Variants in ATP11A observed in about 807,000 individuals in gnomAD.
ATP11A encodes the protein ATPase phospholipid transporting 11A, also known as phospholipid-transporting ATPase IH.
A neutral mutation model predicts 154.4 loss-of-function variants in ATP11A; 81 were observed. The observed-to-expected ratio is 0.52, with a 90% CI of 0.44 to 0.63. ATP11A has a LOEUF of 0.63. Ranked by LOEUF, ATP11A falls within the 30% of genes least tolerant of loss-of-function variation. The pLI is 0.00. For synonymous variants in ATP11A, 623 were observed against 585.9 expected, an observed-to-expected ratio of 1.06 and a Z score of -0.91; for missense variants, 1,316 against 1,474.3, an observed-to-expected ratio of 0.89 and a Z score of 1.76.
At chr13:112,844,797 T>TCCTAACCAGTCCAGTTGCCAGGC in intron 17 of ATP11A, among the ~76,000 whole-genome samples, 1 of 123,916 alleles carries the variant, frequency 8.1e-6, no homozygotes, top group South Asian at 2.5e-4. Flanking sequence ...TTGCCGGGTG[T>TCCTAACCAGTCCAGTTGCCAGGC]TAGTGGTACT....
At chr13:112,692,105 A>G (rs1256770771) in intron 1 of ATP11A, among the ~76,000 whole-genome samples, 1 of 152,218 alleles carries the variant, frequency 6.6e-6, no homozygotes, top group Non-Finnish European at 1.5e-5. Flanking sequence ...CCTGCAGTGT[A>G]AGAGAAATGC....
intron 1 of ATP11A, among the ~76,000 whole-genome samples, chr13:112,739,051 C>A (rs1891277607): frequency 6.6e-6 from 1 of 152,094 alleles, no homozygotes; most frequent in African/African-American, 2.4e-5. Flanking sequence ...TCATGGTGAC[C>A]TTGGATTAGG....
intron 1 of ATP11A, among the ~76,000 whole-genome samples, chr13:112,756,433 G>C (rs986125217): frequency 2.6e-5 from 4 of 152,216 alleles, no homozygotes; most frequent in African/African-American, 9.7e-5. Flanking sequence ...GTCCAGGAGA[G>C]GCACCTGTAT....
intron 18 of ATP11A, 22 bp downstream of exon 18, chr13:112,851,240 C>A (rs756769548): frequency 5.6e-6 from 9 of 1,598,674 alleles, no homozygotes; most frequent in Non-Finnish European, 6.8e-6. Flanking sequence ...GCATGCATCC[C>A]GTCCTGAGAG....
intron 1 of ATP11A, among the ~76,000 whole-genome samples, chr13:112,727,001 T>G (rs1323672821): frequency 1.3e-5 from 2 of 152,254 alleles, no homozygotes; most frequent in Non-Finnish European, 2.9e-5. Flanking sequence ...AATTTCTTAC[T>G]ATAACTTGGG....
At position 112,877,048 on chromosome 13, in the gene ATP11A, CAG is replaced by C. The variant is rs2140437179; in HGVS notation, c.3327+1110_3327+1111del. Among the ~76,000 whole-genome samples the C allele has an allele frequency of 2.0e-5, 3 of 152,366 alleles. No homozygotes were observed. In the East Asian group the frequency reaches 5.8e-4, roughly 29 times the overall value. On this transcript the variant is annotated intron_variant, in intron 28 of 29. Coordinates refer to ENST00000375645, the MANE Select transcript of ATP11A (RefSeq NM_015205.3). ...TGCCTCCTGCCACAGTTTGTAAAAT[CAG>C]AGCGAGCAAAACTCGTGGTGAAGAG...
In ATP11A at chr13:112,886,053, T is replaced by A. The variant is rs1054614263; in HGVS notation, c.*4187T>A. ...CCACACCCACGCCGCACCTCATCCG[T>A]GCACGCGTCGGAGCACGGCCAGCCT... On this transcript the variant is annotated 3_prime_UTR_variant, in exon 30 of 30. Coordinates refer to ENST00000375645, the MANE Select transcript of ATP11A (RefSeq NM_015205.3). The A allele has an allele frequency of 1.3e-5, 2 of 152,322 alleles. No homozygotes were observed. Among genetic ancestry groups the A allele is most frequent in the African/African-American group, 4.8e-5 (2 of 41,470 alleles). The allele number at this position is 152,322 out of a possible 1,614,324, so 9.4% of individuals were successfully genotyped here.
chr13:112,861,547 T>G (rs556268060), intron 24 of ATP11A, among the ~76,000 whole-genome samples: 38 of 152,366 alleles, frequency 2.5e-4, no homozygotes, highest in Admixed American at 2.3e-3. Context: ...TGCAGTCTTC[T>G]CACATGCGTG....
At chr13:112,692,545 TATTA>T (rs1418180240) in intron 1 of ATP11A, among the ~76,000 whole-genome samples, 3 of 152,272 alleles carry the variant, frequency 2.0e-5, no homozygotes, top group Admixed American at 2.0e-4. Flanking sequence ...TTTGCTGTAT[TATTA>T]CGCTTATGGC....
At chr13:112,801,107 C>T (rs1218330106) in intron 2 of ATP11A, among the ~76,000 whole-genome samples, 4 of 147,556 alleles carry the variant, frequency 2.7e-5, no homozygotes, top group African/African-American at 1.0e-4. Context: ...TATCACTGTT[C>T]TTATTCAGCA....
At chr13:112,760,834 G>A (rs1212134211) in intron 1 of ATP11A, among the ~76,000 whole-genome samples, 2 of 152,142 alleles carry the variant, frequency 1.3e-5, no homozygotes, top group African/African-American at 2.4e-5. Context: ...AAATTGTAAC[G>A]ACACATTCCT....
At chr13:112,704,525 G>T (rs1268711735) in intron 1 of ATP11A, among the ~76,000 whole-genome samples, 3 of 152,260 alleles carry the variant, frequency 2.0e-5, no homozygotes, top group African/African-American at 4.8e-5. Flanking sequence ...TCTGACTGCG[G>T]CGTGCGTCTC....
chr13:112,856,219 A>G (rs779476747), intron 20 of ATP11A, 134 bp downstream of exon 20: 220 of 884,820 alleles, frequency 2.5e-4, no homozygotes, highest in Non-Finnish European at 3.5e-4. Context: ...AGCAACCGTG[A>G]TAGAGATTTA....
In ATP11A at chr13:112,853,244, C is replaced by CTA. The variant is rs1455195870; in HGVS notation, c.1992-1034_1992-1033insAT. On this transcript the variant is annotated intron_variant, in intron 18 of 29. Coordinates refer to ENST00000375645, the MANE Select transcript of ATP11A (RefSeq NM_015205.3). ...TCTCTTGCTCGCTCTCTTTCTCTCT[C>CTA]TCTATATATATATATATGCACACAC... is the stretch of plus-strand genomic sequence containing the variant. Among the ~76,000 whole-genome samples the CTA allele has an allele frequency of 9.2e-5, 14 of 151,746 alleles. No homozygotes were observed. In the South Asian group the frequency reaches 1.3e-3, roughly 14 times the overall value.
chr13:112,715,481 C>T (rs1344460659), intron 1 of ATP11A, among the ~76,000 whole-genome samples: 1 of 81,312 alleles, frequency 1.2e-5, no homozygotes, highest in African/African-American at 3.9e-5. Flanking sequence ...ACACCTGGCC[C>T]ATCCCCGTAC....
intron 10 of ATP11A, among the ~76,000 whole-genome samples, chr13:112,824,671 G>A (rs573357317): frequency 2.0e-5 from 3 of 152,178 alleles, no homozygotes; most frequent in Admixed American, 6.5e-5. Context: ...CGGACGCCCT[G>A]ACGTTCCGGT....
rs2080045333 is a variant in ATP11A at position 112,859,743 on chromosome 13, G to C, written c.2727+291G>C. 6.6e-6 allele frequency among the ~76,000 whole-genome samples: 1 copy of C among 152,236 alleles called. No homozygotes were observed. The highest frequency in any genetic ancestry group is 2.4e-5 in the African/African-American group (1 of 41,462). ...TCTCCTCAGGGCCCAGCAGTGCTGG[G>C]CTGGGCATCCTGATGCCACTGCAAG... On this transcript the variant is annotated intron_variant, in intron 23 of 29. Transcript: ENST00000375645. The surrounding 1 kb of genome is among the most constrained non-coding windows in gnomAD (Gnocchi z 4.3).
chr13:112,832,127 T>C (rs1377345968), intron 13 of ATP11A, among the ~76,000 whole-genome samples: 2 of 151,834 alleles, frequency 1.3e-5, no homozygotes, highest in African/African-American at 4.8e-5. Context: ...CACAGACACA[T>C]GCTCACACGC....
At chr13:112,817,919 C>G (rs745846064) in intron 6 of ATP11A, among the ~76,000 whole-genome samples, 13 of 152,204 alleles carry the variant, frequency 8.5e-5, no homozygotes, top group African/African-American at 3.1e-4. Flanking sequence ...GTTTGGATCC[C>G]GTGGGGCTCA....
Sources: gnomAD v4.1 joint callset for allele counts (sites outside exome capture counted in the v4.1 genomes callset) on GRCh38, gnomAD v4.1.1 for gene constraint, Gnocchi (gnomAD v3.1) non-coding constraint, MANE v1.5 for transcripts, NCBI Gene and HGNC (gene_info 2026-07-23, HGNC 2026-07-21) for gene names.